DIPK1A: variants seen among roughly 807,000 people sequenced by gnomAD.
DIPK1A encodes family with sequence similarity 69 member A.
In DIPK1A, 27 loss-of-function variants were observed where a neutral mutation model predicts 40.8. The observed-to-expected ratio is 0.66, with a 90% CI of 0.49 to 0.91. The LOEUF (loss-of-function observed/expected upper bound fraction) is 0.91, where lower values mean the gene tolerates loss of function less well. DIPK1A is among the 40% of genes least tolerant of loss of function. The pLI, the probability that DIPK1A is intolerant of heterozygous loss-of-function variation, is 0.00. For missense variants in DIPK1A, 412 were observed against 505.7 expected, an observed-to-expected ratio of 0.81 and a Z score of 1.78; for synonymous variants, 166 against 171.3, an observed-to-expected ratio of 0.97 and a Z score of 0.24.
intron 1 of DIPK1A, among the ~76,000 whole-genome samples, chr1:92,880,508 C>A (rs1300131380): frequency 6.6e-6 from 1 of 152,118 alleles, no homozygotes; most frequent in African/African-American, 2.4e-5. Flanking sequence ...AATTTTTGAT[C>A]TTGTTTGTAA....
chr1:92,845,276 T>TA (rs1440255776), intron 4 of DIPK1A, among the ~76,000 whole-genome samples: 1 of 133,112 alleles, frequency 7.5e-6, no homozygotes, highest in Non-Finnish European at 1.6e-5. Context: ...ATTAAAAAAA[T>TA]AATTTGCAGA....
At position 92,842,996 on chromosome 1, in the gene DIPK1A, A is replaced by G. The variant is rs1254174093; in HGVS notation, c.*387T>C. 1 of 994,654 alleles carries G rather than the reference A, an allele frequency of 1.0e-6. No homozygotes were observed. Among genetic ancestry groups the G allele is most frequent in the Non-Finnish European group, 1.2e-6 (1 of 836,020 alleles). The allele number at this position is 994,654 out of a possible 1,614,324, so 61.6% of individuals were successfully genotyped here. ...TGCTAAGACATTAGTAAATTTATAA[A>G]TTTTCTTGTTGAACAGCAGCTTCAA... On this transcript the variant is annotated 3_prime_UTR_variant, in exon 5 of 5. Coordinates refer to ENST00000370310, the MANE Select transcript of DIPK1A (RefSeq NM_001006605.5).
In DIPK1A at chr1:92,950,101, T is replaced by C. The variant is rs371616998; in HGVS notation, c.54+11275A>G. Among the ~76,000 whole-genome samples the C allele has an allele frequency of 4.0e-4, 61 of 152,266 alleles. No individual in the cohort carries two copies. In the East Asian group the frequency reaches 0.011, roughly 28 times the overall value. On this transcript the variant is annotated intron_variant, in intron 1 of 4. Coordinates refer to ENST00000370310, the MANE Select transcript of DIPK1A (RefSeq NM_001006605.5). ...GGTCACAGAAGAGGTACACTAATACTGTGGAGTATTAAGGAGGGACTGCTG... is the reference window on the plus strand; with the variant it reads ...GGTCACAGAAGAGGTACACTAATACCGTGGAGTATTAAGGAGGGACTGCTG...
intron 1 of DIPK1A, among the ~76,000 whole-genome samples, chr1:92,895,098 C>A (rs1649098912): frequency 6.6e-6 from 1 of 152,062 alleles, no homozygotes; most frequent in Non-Finnish European, 1.5e-5. Context: ...GGTACCATTC[C>A]TTCTGAAACT....
intron 1 of DIPK1A, among the ~76,000 whole-genome samples, chr1:92,891,902 G>A (rs967421150): frequency 5.9e-5 from 9 of 152,246 alleles, no homozygotes; most frequent in South Asian, 2.1e-4. Context: ...ATGGAGCCTC[G>A]CTCATTGCTA....
At chr1:92,941,275 GA>G (rs1469724827) in intron 1 of DIPK1A, among the ~76,000 whole-genome samples, 1 of 152,134 alleles carries the variant, frequency 6.6e-6, no homozygotes, top group African/African-American at 2.4e-5. Flanking sequence ...TAAGTGGTGA[GA>G]AACTTTTTTC....
At chr1:92,951,532 C>G (rs1196027238) in intron 1 of DIPK1A, among the ~76,000 whole-genome samples, 1 of 152,188 alleles carries the variant, frequency 6.6e-6, no homozygotes, top group African/African-American at 2.4e-5. Flanking sequence ...GCCCTGACTT[C>G]TAAGTTAACA....
intron 1 of DIPK1A, among the ~76,000 whole-genome samples, chr1:92,919,652 G>A (rs538980923): frequency 3.3e-5 from 5 of 152,130 alleles, no homozygotes; most frequent in East Asian, 3.9e-4. Flanking sequence ...ACCTCCTTAC[G>A]TTTATTTACT....
intron 1 of DIPK1A, among the ~76,000 whole-genome samples, chr1:92,948,504 G>C (rs1473636754): frequency 6.7e-6 from 1 of 149,526 alleles, no homozygotes; most frequent in East Asian, 2.0e-4. Context: ...GGCTGGTCTC[G>C]AACTCTTGAG....
At chr1:92,893,245 C>T (rs1377382710) in intron 1 of DIPK1A, among the ~76,000 whole-genome samples, 1 of 150,398 alleles carries the variant, frequency 6.6e-6, no homozygotes, top group Non-Finnish European at 1.5e-5. Flanking sequence ...TTAAGGGCAG[C>T]CAGAGAGAAA....
intron 4 of DIPK1A, among the ~76,000 whole-genome samples, chr1:92,835,847 A>C (rs912099284): frequency 1.3e-5 from 2 of 152,148 alleles, no homozygotes; most frequent in African/African-American, 4.8e-5. Context: ...GTTGATGACA[A>C]CCCACTCATT....
At chr1:92,853,723 A>T (rs1304036568) in intron 2 of DIPK1A, among the ~76,000 whole-genome samples, 1 of 152,266 alleles carries the variant, frequency 6.6e-6, no homozygotes, top group Non-Finnish European at 1.5e-5. Flanking sequence ...TTTTGAACAC[A>T]TAAGGTTCAG....
chr1:92,839,031 CT>C (rs35078348), downstream of DIPK1A, among the ~76,000 whole-genome samples: 3,392 of 118,216 alleles, frequency 0.029, 44 homozygotes, highest in South Asian at 0.043. Flanking sequence ...AGAGTTGCAG[CT>C]TTTTTTTTTT....
At chr1:92,856,637 G>A (rs182961058) in intron 2 of DIPK1A, among the ~76,000 whole-genome samples, 10 of 152,076 alleles carry the variant, frequency 6.6e-5, no homozygotes, top group East Asian at 1.9e-4. Context: ...GGCTGGGCTC[G>A]AACTTTTGAC....
At chr1:92,889,848 C>A (rs1359478524) in intron 1 of DIPK1A, among the ~76,000 whole-genome samples, 1 of 152,040 alleles carries the variant, frequency 6.6e-6, no homozygotes, top group African/African-American at 2.4e-5. Flanking sequence ...CAGGGTTTTG[C>A]CATGTTGCCC....
At chr1:92,840,418 G>T (rs1687308836), downstream of DIPK1A, 1 of 722,680 alleles carries the variant, frequency 1.4e-6, no homozygotes, top group African/African-American at 1.8e-5. Context: ...AGAAGTTAAA[G>T]TGTTTACCAA....
At chr1:92,882,645 G>A (rs1196658407) in intron 1 of DIPK1A, among the ~76,000 whole-genome samples, 1 of 152,152 alleles carries the variant, frequency 6.6e-6, no homozygotes, top group Non-Finnish European at 1.5e-5. Flanking sequence ...CATATAGCCA[G>A]TTTGTTCATT....
At chr1:92,846,444 C>T in intron 4 of DIPK1A, 1 of 244,306 alleles carries the variant, frequency 4.1e-6, no homozygotes, top group Non-Finnish European at 8.6e-6. Flanking sequence ...TCCTCTGTAC[C>T]CTTCCCAGCC....
chr1:92,836,382 A>G lies in DIPK1A; in HGVS notation c.475-3348T>C, dbSNP rs754245145. ...GGGAGCTGTGGATGGAGGCTTGTCT[A>G]TCCCTCACAGGTAAGAATACTATTT... is the stretch of plus-strand genomic sequence containing the variant. On this transcript the variant is annotated intron_variant, in intron 4 of 4. Transcript: ENST00000615519. 3.3e-5 allele frequency: 54 copies of G among 1,614,014 alleles called. No homozygotes were observed. The highest frequency in any genetic ancestry group is 4.0e-5 in the African/African-American group (3 of 74,932).
Sources: gnomAD v4.1 joint callset for allele counts (sites outside exome capture counted in the v4.1 genomes callset) on GRCh38, gnomAD v4.1.1 for gene constraint, MANE v1.5 for transcripts, NCBI Gene and HGNC (gene_info 2026-07-23, HGNC 2026-07-21) for gene names.